The following LMO3 variants were observed in gnomAD, a reference collection of about 807,000 sequenced individuals.
LMO3 encodes LIM domain only 3.
LMO3 carries 2 observed loss-of-function variants against 15.8 expected under a neutral mutation model. The observed-to-expected ratio is 0.13, with a 90% CI of 0.05 to 0.40. The LOEUF (loss-of-function observed/expected upper bound fraction) is 0.40. Ranked by LOEUF, LMO3 falls within the 10% of genes least tolerant of loss-of-function variation. The pLI, the probability that LMO3 is intolerant of heterozygous loss-of-function variation, is 0.99. For missense variants in LMO3, 86 were observed against 182.2 expected (o/e 0.47, Z 3.04); for synonymous variants, 62 against 63.8 (o/e 0.97, Z 0.13).
rs1943551335 is a variant in LMO3, at chr12:16,593,381, C to T, written c.206+7274G>A. Among the ~76,000 whole-genome samples, 1 of 151,600 alleles carries T rather than the reference C, an allele frequency of 6.6e-6. No homozygotes were observed. Reference sequence around the variant, plus strand: ...TACATGCAGCTTAATGTTAATTTTCCACCTTCAAATCAGGGATTTGACTAT... The same window carrying T: ...TACATGCAGCTTAATGTTAATTTTCTACCTTCAAATCAGGGATTTGACTAT... On this transcript the variant is annotated intron_variant, in intron 2 of 3. Coordinates refer to ENST00000537304, the MANE Select transcript of LMO3 (RefSeq NM_018640.5). The surrounding 1 kb of genome is among the most constrained non-coding windows in gnomAD (Gnocchi z 4.2).
chr12:16,557,735 A>G (rs1942245159), intron 3 of LMO3, among the ~76,000 whole-genome samples: 1 of 152,078 alleles, frequency 6.6e-6, no homozygotes, highest in African/African-American at 2.4e-5. Context: ...AAATTATTTT[A>G]TTGAAGTTTC....
At chr12:16,564,068 T>C (rs1010708057) in intron 2 of LMO3, among the ~76,000 whole-genome samples, 1 of 152,216 alleles carries the variant, frequency 6.6e-6, no homozygotes, top group East Asian at 1.9e-4. Flanking sequence ...TGCATATAAC[T>C]ATTAATATCT....
intron 2 of LMO3, among the ~76,000 whole-genome samples, chr12:16,570,471 AGAAAAT>A (rs1041157577): frequency 6.6e-6 from 1 of 151,868 alleles, no homozygotes; most frequent in African/African-American, 2.4e-5. Context: ...AGAAAAATAA[AGAAAAT>A]GAAAAGAAGC....
rs921668303 is a variant in LMO3, at chr12:16,582,170, C to T, written c.206+18485G>A. On this transcript the variant is annotated intron_variant, in intron 2 of 3. Transcript: ENST00000537304. The surrounding 1 kb of genome is among the most constrained non-coding windows in gnomAD (Gnocchi z 4.1). ...ATATTTAACTGGTTTCTTCCTGTTTCTCTTTATTTGGAAGTTTTGAAATGG... is the reference window on the plus strand; with the variant it reads ...ATATTTAACTGGTTTCTTCCTGTTTTTCTTTATTTGGAAGTTTTGAAATGG... 1.3e-5 allele frequency among the ~76,000 whole-genome samples: 2 copies of T among 152,064 alleles called. No homozygotes were observed. Among genetic ancestry groups the T allele is most frequent in the African/African-American group, 4.8e-5 (2 of 41,390 alleles).
chr12:16,574,541 C>A (rs1018674536), intron 2 of LMO3, among the ~76,000 whole-genome samples: 2 of 152,082 alleles, frequency 1.3e-5, no homozygotes, highest in South Asian at 4.1e-4. Context: ...AGCACTTAAC[C>A]AATGATGTGT....
At chr12:16,567,962 T>C (rs981174012) in intron 2 of LMO3, among the ~76,000 whole-genome samples, 2 of 152,154 alleles carry the variant, frequency 1.3e-5, no homozygotes, top group Non-Finnish European at 2.9e-5. Context: ...ATGGTGGGGG[T>C]AATAAAATTA....
intron 2 of LMO3, among the ~76,000 whole-genome samples, chr12:16,565,587 A>G (rs1270194882): frequency 6.6e-6 from 1 of 152,208 alleles, no homozygotes; most frequent in African/African-American, 2.4e-5. Flanking sequence ...TTTAGAATGT[A>G]CATATAAAAA....
Position 16,593,662 on chromosome 12 carries a change from C to T in LMO3, c.206+6993G>A, listed in dbSNP as rs921001052. 1.3e-5 allele frequency among the ~76,000 whole-genome samples: 2 copies of T among 151,618 alleles called. No individual in the cohort carries two copies. Among genetic ancestry groups the T allele is most frequent in the East Asian group, 1.9e-4 (1 of 5,188 alleles). On this transcript the variant is annotated intron_variant, in intron 2 of 3. Coordinates refer to ENST00000537304, the MANE Select transcript of LMO3 (RefSeq NM_018640.5). The surrounding 1 kb of genome is among the most constrained non-coding windows in gnomAD (Gnocchi z 4.2). ...GTAGTTAGTTTGTGAAGATAGAAAA[C>T]GTTTGGCTTCTATAATAAGAGGATA...
Position 16,576,416 on chromosome 12 carries a change from A to G in LMO3, c.207-15878T>C, listed in dbSNP as rs1419318521. ...TGCCTGCTGAGTTCCTACTAAATCT[A>G]TTCTTCCTGGAAGACTACTGCTGCT... On this transcript the variant is annotated intron_variant, in intron 2 of 3. Transcript: ENST00000537304. The surrounding 1 kb of genome is among the most constrained non-coding windows in gnomAD (Gnocchi z 4.1). Among the ~76,000 whole-genome samples the G allele has an allele frequency of 6.6e-6, 1 of 152,038 alleles. No individual in the cohort carries two copies. The highest frequency in any genetic ancestry group is 6.6e-5 in the Admixed American group (1 of 15,264).
intron 1 of LMO3, chr12:16,605,436 G>GCCCCCCCCCCCCCCCCCC (rs56405071): frequency 5.1e-5 from 19 of 372,616 alleles, no homozygotes; most frequent in Admixed American, 2.6e-4. Context: ...CTACCCGCCT[G>GCCCCCCCCCCCCCCCCCC]CCCCCCCCCC....
rs1942357388 is a variant in LMO3 at position 16,560,380 on chromosome 12, C to A, written c.332+33G>T. The A allele has an allele frequency of 6.2e-7, 1 of 1,601,434 alleles. No individual in the cohort carries two copies. Among genetic ancestry groups the A allele is most frequent in the East Asian group, 2.2e-5 (1 of 44,648 alleles). Reference sequence around the variant, plus strand: ...AAATAGCCAGCACAGAGAGGTTAACCATTTCTTAGAGACCAAAAAGAGACC... The same window carrying A: ...AAATAGCCAGCACAGAGAGGTTAACAATTTCTTAGAGACCAAAAAGAGACC... On this transcript the variant is annotated intron_variant, in intron 3 of 3. Transcript: ENST00000537304. This position sits in a 1 kb window ranked among gnomAD's most constrained non-coding sequence, Gnocchi z 5.0.
At chr12:16,568,637 A>G (rs983659697) in intron 2 of LMO3, among the ~76,000 whole-genome samples, 9 of 152,262 alleles carry the variant, frequency 5.9e-5, no homozygotes, top group African/African-American at 2.2e-4. Flanking sequence ...AATATTGATT[A>G]CACATTGAGA....
upstream of LMO3, chr12:16,606,380 T>C (rs930427535): frequency 1.3e-5 from 2 of 152,382 alleles, no homozygotes; most frequent in African/African-American, 4.8e-5. Flanking sequence ...AAGCTCCGGC[T>C]CTCAGCTGCA....
At position 16,551,162 on chromosome 12, in the gene LMO3, G is replaced by A. The variant is rs976172002; in HGVS notation, c.*60C>T. On this transcript the variant is annotated 3_prime_UTR_variant, in exon 4 of 4. Transcript: ENST00000537304. ...CCTGTGTCAATTCTTATGTACATGT[G>A]GAGCAAAAAAGATAAAAGAATGTAG... The A allele has an allele frequency of 1.9e-6, 2 of 1,075,984 alleles. No individual in the cohort carries two copies. The highest frequency in any genetic ancestry group is 3.1e-5 in the African/African-American group (2 of 64,358). The allele number at this position is 1,075,984 out of a possible 1,614,324, so 66.7% of individuals were successfully genotyped here. A position where few individuals can be genotyped will look rare whatever the true frequency, so the allele number is the denominator to read the frequency against.
At chr12:16,594,597 G>A (rs1943592264) in intron 2 of LMO3, among the ~76,000 whole-genome samples, 1 of 151,590 alleles carries the variant, frequency 6.6e-6, no homozygotes, top group Non-Finnish European at 1.5e-5. Flanking sequence ...TCTCATACGA[G>A]TTGGAAAAAT....
chr12:16,553,575 A>C (rs1457188996), intron 3 of LMO3, among the ~76,000 whole-genome samples: 1 of 152,140 alleles, frequency 6.6e-6, no homozygotes, highest in Admixed American at 6.5e-5. Context: ...ATGCATTTCA[A>C]TTTATACTTA....
chr12:16,588,876 A>G (rs1256305451), intron 2 of LMO3, among the ~76,000 whole-genome samples: 1 of 152,014 alleles, frequency 6.6e-6, no homozygotes, highest in Non-Finnish European at 1.5e-5. Context: ...ACTCAGTGCC[A>G]TTCTCCCTTC....
Position 16,593,874 on chromosome 12 carries a change from A to G in LMO3, c.206+6781T>C, listed in dbSNP as rs1304526979. 2.6e-5 allele frequency among the ~76,000 whole-genome samples: 4 copies of G among 151,810 alleles called. No homozygotes were observed. Among genetic ancestry groups the G allele is most frequent in the African/African-American group, 7.2e-5 (3 of 41,428 alleles). On this transcript the variant is annotated intron_variant, in intron 2 of 3. Transcript: ENST00000537304. The surrounding 1 kb of genome is among the most constrained non-coding windows in gnomAD (Gnocchi z 4.2). Reference sequence around the variant, plus strand: ...GTAAGCACCTTGAAAAGGGAAATACATGGTTAATCATCAAAACAAGTATAT... The same window carrying G: ...GTAAGCACCTTGAAAAGGGAAATACGTGGTTAATCATCAAAACAAGTATAT...
chr12:16,609,957 G>A (rs1278973339), upstream of LMO3: 2 of 150,316 alleles, frequency 1.3e-5, no homozygotes, highest in African/African-American at 4.9e-5. Context: ...ACAGGTTGTT[G>A]GGGGGAGGCA....
Sources: allele counts gnomAD v4.1 joint callset (sites outside exome capture counted in the v4.1 genomes callset), GRCh38; gene constraint gnomAD v4.1.1; non-coding constraint Gnocchi (gnomAD v3.1); transcripts MANE v1.5; gene names NCBI Gene and HGNC (gene_info 2026-07-23, HGNC 2026-07-21).